Variants in SIPA1L1 observed in about 807,000 individuals in gnomAD.
The protein encoded by SIPA1L1 is signal induced proliferation associated 1 like 1, also known as signal-induced proliferation-associated 1-like protein 1.
A neutral mutation model predicts 162.7 loss-of-function variants in SIPA1L1; 26 were observed. The observed-to-expected ratio is 0.16, with a 90% CI of 0.12 to 0.22. The LOEUF is 0.22. Among genes scored for constraint, SIPA1L1 ranks in the 10% least tolerant of loss-of-function variants. SIPA1L1 has a pLI of 1.00. For missense variants in SIPA1L1, 1,874 were observed against 2,241.0 expected (o/e 0.84, Z 3.31); for synonymous variants, 829 against 837.4 (o/e 0.99, Z 0.17).
chr14:71,608,122 A>G (rs899668447), intron 5 of SIPA1L1, among the ~76,000 whole-genome samples: 2 of 152,188 alleles, frequency 1.3e-5, no homozygotes, highest in African/African-American at 4.8e-5. Flanking sequence ...CATCAAGGCA[A>G]TGAGAGGAGA....
chr14:71,562,214 C>T (rs1042925881), intron 4 of SIPA1L1, among the ~76,000 whole-genome samples: 4 of 151,600 alleles, frequency 2.6e-5, no homozygotes, highest in Non-Finnish European at 4.4e-5. Context: ...ATATCTATGA[C>T]ATCAGAAAAA....
chr14:71,620,641 C>T (rs1412765831), intron 6 of SIPA1L1, among the ~76,000 whole-genome samples: 3 of 152,194 alleles, frequency 2.0e-5, no homozygotes, highest in Admixed American at 2.0e-4. Flanking sequence ...GATCCTGTCA[C>T]TGGTTTCCAC....
intron 2 of SIPA1L1, among the ~76,000 whole-genome samples, chr14:71,484,776 C>T (rs747638206): frequency 1.3e-5 from 2 of 152,120 alleles, no homozygotes; most frequent in Non-Finnish European, 2.9e-5. Flanking sequence ...GTTTGGCAAC[C>T]AATATTTGAA....
chr14:71,446,894 G>GGTTTTTTTTTTTTTTTTTTTT (rs2045394010), intron 2 of SIPA1L1, among the ~76,000 whole-genome samples: 2 of 87,406 alleles, frequency 2.3e-5, no homozygotes, highest in African/African-American at 8.7e-5. Context: ...GATGGGCTCT[G>GGTTTTTTTTTTTTTTTTTTTT]TTTTTTTTTT....
intron 21 of SIPA1L1, among the ~76,000 whole-genome samples, chr14:71,734,730 T>TACA (rs1284946902): frequency 1.7e-4 from 26 of 152,210 alleles, no homozygotes; most frequent in Non-Finnish European, 2.9e-5. Context: ...TGTTGGTTAA[T>TACA]CTCCTTCATA....
chr14:71,437,503 A>G (rs575285233), intron 2 of SIPA1L1, among the ~76,000 whole-genome samples: 1 of 152,224 alleles, frequency 6.6e-6, no homozygotes, highest in South Asian at 2.1e-4. Context: ...TTAAGTAGCT[A>G]GGATTACAGG....
intron 4 of SIPA1L1, among the ~76,000 whole-genome samples, chr14:71,557,185 A>G (rs986749209): frequency 1.3e-5 from 2 of 152,156 alleles, no homozygotes; most frequent in Non-Finnish European, 2.9e-5. Flanking sequence ...GCATATATTC[A>G]GTGTATTCAG....
intron 2 of SIPA1L1, among the ~76,000 whole-genome samples, chr14:71,437,428 C>T (rs1256971825): frequency 6.6e-6 from 1 of 152,178 alleles, no homozygotes; most frequent in Non-Finnish European, 1.5e-5. Context: ...AGTCCAGTAG[C>T]ATGATCTCGA....
intron 2 of SIPA1L1, among the ~76,000 whole-genome samples, chr14:71,358,028 A>AT (rs1313232136): frequency 2.0e-5 from 3 of 151,856 alleles, no homozygotes; most frequent in Non-Finnish European, 2.9e-5. Flanking sequence ...CCTGGCCTCT[A>AT]TTTTTTGTAT....
intron 12 of SIPA1L1, among the ~76,000 whole-genome samples, chr14:71,683,533 C>A (rs2149534280): frequency 6.6e-6 from 1 of 152,170 alleles, no homozygotes; most frequent in African/African-American, 2.4e-5. Context: ...TTATAATATG[C>A]CTTATTTAGT....
intron 2 of SIPA1L1, among the ~76,000 whole-genome samples, chr14:71,384,125 CT>C (rs1365532164): frequency 6.6e-6 from 1 of 152,110 alleles, no homozygotes; most frequent in East Asian, 1.9e-4. Context: ...CCTGTACATA[CT>C]TTTCATGTCC....
intron 12 of SIPA1L1, among the ~76,000 whole-genome samples, chr14:71,677,286 C>T (rs2149450671): frequency 6.6e-6 from 1 of 152,296 alleles, no homozygotes; most frequent in East Asian, 1.9e-4. Flanking sequence ...TGCGAAGTGT[C>T]TGTTCATATC....
rs2039726737 is a variant in SIPA1L1, at chr14:71,624,110, A to G, written c.1692A>G (p.Thr564=). 4 of 1,614,066 alleles carry G rather than the reference A, an allele frequency of 2.5e-6. No individual in the cohort carries two copies. The highest frequency in any genetic ancestry group is 1.7e-5 in the Admixed American group (1 of 60,008). ...TTCCGTCGACAGCCAAGCACTCGAC[A>G]GCCAGAGGCCTGCCTCTCAAAGAAG... ...DAIPSTAKHS[T]ARGLPLKEVL... is the part of the protein sequence containing the mutation. Residue 564 remains threonine (T), a synonymous_variant, in exon 7 of 24, where the codon ACA becomes ACG. Coordinates refer to ENST00000381232, the MANE Select transcript of SIPA1L1 (RefSeq NM_001386936.1).
intron 2 of SIPA1L1, among the ~76,000 whole-genome samples, chr14:71,374,746 A>G (rs1203418337): frequency 6.6e-6 from 1 of 151,146 alleles, no homozygotes; most frequent in African/African-American, 2.4e-5. Context: ...ATATATCTAA[A>G]TAATATATTT....
At chr14:71,562,814 C>T (rs943178031) in intron 4 of SIPA1L1, among the ~76,000 whole-genome samples, 5 of 152,078 alleles carry the variant, frequency 3.3e-5, no homozygotes, top group African/African-American at 4.8e-5. Flanking sequence ...CCACCACACC[C>T]GGCTAATTTT....
intron 2 of SIPA1L1, among the ~76,000 whole-genome samples, chr14:71,416,565 C>T (rs1043495701): frequency 6.6e-6 from 1 of 152,064 alleles, no homozygotes; most frequent in Non-Finnish European, 1.5e-5. Flanking sequence ...CAGGTCTCCT[C>T]AGGCAACACA....
chr14:71,717,350 A>G (rs1020197171), intron 17 of SIPA1L1, among the ~76,000 whole-genome samples: 1 of 152,238 alleles, frequency 6.6e-6, no homozygotes, highest in Non-Finnish European at 1.5e-5. Flanking sequence ...TAGTTTCTTC[A>G]TGTAGAATTT....
rs779315580 is a variant in SIPA1L1 at position 71,617,066 on chromosome 14, C to CT, written c.1499-1690dup. On this transcript the variant is annotated intron_variant, in intron 5 of 23. Coordinates refer to ENST00000381232, the MANE Select transcript of SIPA1L1 (RefSeq NM_001386936.1). ...CTGTGCTGCAGCGGTACAATATCCT[C>CT]TGAGGGTATCAAAGCATGTTAAGCT... 3.3e-5 allele frequency among the ~76,000 whole-genome samples: 5 copies of CT among 152,184 alleles called. No individual in the cohort carries two copies. In the East Asian group the frequency reaches 7.7e-4, roughly 23 times the overall value.
intron 2 of SIPA1L1, among the ~76,000 whole-genome samples, chr14:71,352,789 A>G (rs1423493591): frequency 1.6e-4 from 24 of 152,218 alleles, no homozygotes; most frequent in Non-Finnish European, 1.5e-5. Flanking sequence ...ACAGTTTTCT[A>G]AAGTGATTAT....
Sources: gnomAD v4.1 joint callset for allele counts (sites outside exome capture counted in the v4.1 genomes callset) on GRCh38, gnomAD v4.1.1 for gene constraint, MANE v1.5 for transcripts, NCBI Gene and HGNC (gene_info 2026-07-23, HGNC 2026-07-21) for gene names.